RAD50: variants seen among roughly 807,000 people sequenced by gnomAD.
RAD50 encodes the protein RAD50 double strand break repair protein, also known as DNA repair protein RAD50.
Under a neutral mutation model 168.8 loss-of-function variants are expected in RAD50, and 132 were observed. The ratio of observed to expected loss-of-function variants is 0.78; its 90% CI spans 0.68 to 0.90. The LOEUF is 0.90. RAD50 is among the 40% of genes least tolerant of loss of function. The pLI, the probability that RAD50 is intolerant of heterozygous loss-of-function variation, is 0.00. For synonymous variants in RAD50, 525 were observed against 497.4 expected, an observed-to-expected ratio of 1.06 and a Z score of -0.74; for missense variants, 1,347 against 1,534.4, an observed-to-expected ratio of 0.88 and a Z score of 2.04.
intron 21 of RAD50, among the ~76,000 whole-genome samples, chr5:132,619,421 A>G (rs1751235913): frequency 6.9e-6 from 1 of 145,178 alleles, no homozygotes; most frequent in Admixed American, 6.8e-5. Context: ...GTGTTTTGGG[A>G]CAGAGTCTCT....
chr5:132,618,327 G>C, intron 21 of RAD50, 33 bp downstream of exon 21: 1 of 1,612,502 alleles, frequency 6.2e-7, no homozygotes, highest in Non-Finnish European at 8.5e-7. Context: ...TCTTATTGCA[G>C]TTAATATTAA....
Position 132,588,896 on chromosome 5 carries a change from T to C in RAD50, c.1245+16T>C. 1.3e-6 allele frequency: 2 copies of C among 1,598,294 alleles called. No homozygotes were observed. Among genetic ancestry groups the C allele is most frequent in the Non-Finnish European group, 8.6e-7 (1 of 1,166,678 alleles). ...CCAACTGATGGCAAGTATTTTGAAATACAGTATTTGTTATTTTGTTTGCAT... is the reference window on the plus strand; with the variant it reads ...CCAACTGATGGCAAGTATTTTGAAACACAGTATTTGTTATTTTGTTTGCAT... On this transcript the variant is annotated intron_variant, in intron 8 of 24. Transcript: ENST00000378823.
rs1415406363 is a variant in RAD50 at position 132,557,281 on chromosome 5, T to C, written c.-44T>C. 1 of 1,609,288 alleles carries C rather than the reference T, an allele frequency of 6.2e-7. No homozygotes were observed. The highest frequency in any genetic ancestry group is 2.2e-5 in the East Asian group (1 of 44,856). ...CCTTGCTTCGGCCTCAGTTAAGCCT[T>C]TGTGGGCTCCAGGTCCCTGGTGAGA... On this transcript the variant is annotated 5_prime_UTR_variant, in exon 1 of 25. Coordinates refer to ENST00000378823, the MANE Select transcript of RAD50 (RefSeq NM_005732.4).
chr5:132,587,731 G>A, intron 6 of RAD50, 41 bp downstream of exon 6: 1 of 1,612,514 alleles, frequency 6.2e-7, no homozygotes, highest in South Asian at 1.1e-5. Context: ...AAAATTTTGG[G>A]ATTATTGTAA....
chr5:132,564,909 C>T (rs565318025), intron 2 of RAD50, among the ~76,000 whole-genome samples: 4 of 152,236 alleles, frequency 2.6e-5, no homozygotes, highest in Admixed American at 1.3e-4. Context: ...CCTGGGGTTG[C>T]GCAGAGAACA....
chr5:132,617,792 A>G (rs1751202673), intron 20 of RAD50, among the ~76,000 whole-genome samples: 1 of 152,224 alleles, frequency 6.6e-6, no homozygotes, highest in African/African-American at 2.4e-5. Context: ...CTTAGCGTCT[A>G]AAGGCCAGGA....
At position 132,589,108 on chromosome 5, in the gene RAD50, A is replaced by C. The variant is rs115735987; in HGVS notation, c.1245+228A>C. On this transcript the variant is annotated intron_variant, in intron 8 of 24. Coordinates refer to ENST00000378823, the MANE Select transcript of RAD50 (RefSeq NM_005732.4). ...CATTTTTTATTTGGTTTTAAGTAAA[A>C]ATTTTTAAAAACTAATTGCAGAGAA... is the stretch of plus-strand genomic sequence containing the variant. 4.5e-3 allele frequency among the ~76,000 whole-genome samples: 687 copies of C among 152,294 alleles called. 5 individuals are homozygous for C. The highest frequency in any genetic ancestry group is 0.014 in the African/African-American group (593 of 41,550).
chr5:132,559,914 GA>G (rs995082731), intron 2 of RAD50, among the ~76,000 whole-genome samples: 1 of 151,802 alleles, frequency 6.6e-6, no homozygotes, highest in Non-Finnish European at 1.5e-5. Flanking sequence ...CCACTGTCTA[GA>G]AAAAAAAGTA....
rs1038270483 is a variant in RAD50, at chr5:132,601,244, A to C, written c.2208-2056A>C. Reference sequence around the variant, plus strand: ...AACTCCTGACCTCAGGTGATTCACCAGCCTCAGCCTCCCAAAGTGCTCATA... The same window carrying C: ...AACTCCTGACCTCAGGTGATTCACCCGCCTCAGCCTCCCAAAGTGCTCATA... On this transcript the variant is annotated intron_variant, in intron 13 of 24. Transcript: ENST00000378823. Among the ~76,000 whole-genome samples the C allele has an allele frequency of 5.9e-5, 9 of 152,124 alleles. No homozygotes were observed. The South Asian group carries it at 1.9e-3, about 32-fold the overall frequency.
At position 132,643,444 on chromosome 5, in the gene RAD50, C is replaced by T. The variant is rs139961304; in HGVS notation, c.*1080C>T. ...TTTGTCATTCAGAGTCAGCCAGGACCATACCGGGTCTTGATTCAGTCACAT... is the reference window on the plus strand; with the variant it reads ...TTTGTCATTCAGAGTCAGCCAGGACTATACCGGGTCTTGATTCAGTCACAT... On this transcript the variant is annotated 3_prime_UTR_variant, in exon 25 of 25. Transcript: ENST00000378823. The T allele has an allele frequency of 1.1e-4, 27 of 236,188 alleles. No individual in the cohort carries two copies. Among genetic ancestry groups the T allele is most frequent in the Non-Finnish European group, 1.9e-4 (22 of 117,764 alleles). The allele number at this position is 236,188 out of a possible 1,614,324, so 14.6% of individuals were successfully genotyped here.
intron 13 of RAD50, among the ~76,000 whole-genome samples, chr5:132,601,668 C>T (rs1750890151): frequency 6.6e-6 from 1 of 152,138 alleles, no homozygotes; most frequent in African/African-American, 2.4e-5. Flanking sequence ...GTAGGTCTGA[C>T]ATGCACACAT....
intron 2 of RAD50, among the ~76,000 whole-genome samples, chr5:132,567,921 C>T (rs972803417): frequency 6.6e-6 from 1 of 152,098 alleles, no homozygotes; most frequent in Non-Finnish European, 1.5e-5. Context: ...CTCAATGTGG[C>T]ATCTACAATG....
intron 20 of RAD50, 145 bp from the exon 21 acceptor site, chr5:132,617,925 T>C: frequency 1.4e-6 from 1 of 739,252 alleles, no homozygotes; most frequent in Non-Finnish European, 2.3e-6. Flanking sequence ...AAGCCCTAAA[T>C]AATAAGCAAG....
chr5:132,638,081 A>C lies in RAD50; in HGVS notation c.3476A>C (p.Asp1159Ala). 1 of 1,614,028 alleles carries C rather than the reference A, an allele frequency of 6.2e-7. No individual in the cohort carries two copies. Among genetic ancestry groups the C allele is most frequent in the Non-Finnish European group, 8.5e-7 (1 of 1,179,872 alleles). The change falls in exon 23 of 25, where the codon GAT becomes GCT. Residue 1159 changes from aspartate (D) to alanine (A), a missense_variant and splice_region_variant. By Grantham distance (126) the Asp-to-Ala change is moderately radical. Transcript: ENST00000378823. ...DLWRSTYRGQ[D>A]IEYIEIRSDA... ...TAAAATATTCTTCTTCCTGTGTCAGATATTGAATACATAGAAATACGGTCT... is the reference window on the plus strand; with the variant it reads ...TAAAATATTCTTCTTCCTGTGTCAGCTATTGAATACATAGAAATACGGTCT...
chr5:132,625,000 G>C (rs1479884376), intron 21 of RAD50, among the ~76,000 whole-genome samples: 1 of 151,560 alleles, frequency 6.6e-6, no homozygotes, highest in Non-Finnish European at 1.5e-5. Context: ...AACATGATAA[G>C]TTTTACCTTT....
intron 2 of RAD50, among the ~76,000 whole-genome samples, chr5:132,561,465 T>C (rs1475006336): frequency 1.3e-5 from 2 of 148,766 alleles, no homozygotes; most frequent in African/African-American, 4.8e-5. Context: ...AGTGCTGGGA[T>C]TACAGATGTG....
At chr5:132,571,798 G>C (rs1344930926) in intron 2 of RAD50, among the ~76,000 whole-genome samples, 1 of 152,200 alleles carries the variant, frequency 6.6e-6, no homozygotes, top group African/African-American at 2.4e-5. Flanking sequence ...ATGAGATGCA[G>C]TAAAAGGAAC....
At chr5:132,619,475 G>C (rs919415945) in intron 21 of RAD50, among the ~76,000 whole-genome samples, 3 of 152,060 alleles carry the variant, frequency 2.0e-5, no homozygotes, top group African/African-American at 7.2e-5. Context: ...TCATAGTTCA[G>C]TGTAACCTCA....
intron 5 of RAD50, among the ~76,000 whole-genome samples, chr5:132,586,564 C>G (rs532659411): frequency 6.6e-6 from 1 of 151,880 alleles, no homozygotes; most frequent in Non-Finnish European, 1.5e-5. Context: ...TGTATATGAA[C>G]GTTTACGTTC....
Sources: gnomAD v4.1 joint callset for allele counts (sites outside exome capture counted in the v4.1 genomes callset) on GRCh38, gnomAD v4.1.1 for gene constraint, MANE v1.5 for transcripts, NCBI Gene and HGNC (gene_info 2026-07-23, HGNC 2026-07-21) for gene names.